The following ACO1 variants were observed in gnomAD, a reference collection of about 807,000 sequenced individuals.
The protein encoded by ACO1 is cytoplasmic aconitate hydratase.
A neutral mutation model predicts 105.1 loss-of-function variants in ACO1; 78 were observed. That is an observed-to-expected ratio of 0.74 (90% CI 0.62 to 0.90). ACO1 has a LOEUF of 0.90. Ranked by LOEUF, ACO1 falls within the 40% of genes least tolerant of loss-of-function variation. ACO1 has a pLI of 0.00. For missense variants in ACO1, 965 were observed against 1,111.1 expected, an observed-to-expected ratio of 0.87 and a Z score of 1.87; for synonymous variants, 364 against 397.4, an observed-to-expected ratio of 0.92 and a Z score of 1.00.
chr9:32,418,581 G>T (rs1821903484), intron 6 of ACO1, 70 bp downstream of exon 6: 15 of 1,489,590 alleles, frequency 1.0e-5, no homozygotes, highest in East Asian at 2.3e-5. Flanking sequence ...TTACATCTCA[G>T]TAACATGAAT....
Position 32,450,122 on chromosome 9 carries a change from C to G in ACO1, c.*11C>G. On this transcript the variant is annotated 3_prime_UTR_variant, in exon 21 of 21. Coordinates refer to ENST00000309951, the MANE Select transcript of ACO1 (RefSeq NM_002197.3). ...AAGATGGCCAAGTAGGAGACGTGCA[C>G]TTGGTGCTGCGCCCAGGGAGGAAGC... 1.2e-6 allele frequency: 2 copies of G among 1,604,128 alleles called. No individual in the cohort carries two copies. The highest frequency in any genetic ancestry group is 1.7e-6 in the Non-Finnish European group (2 of 1,171,950).
In ACO1 at chr9:32,384,723, C is replaced by G. The variant is rs752604336; in HGVS notation, c.-35C>G. The G allele has an allele frequency of 2.4e-6, 1 of 411,646 alleles. No individual in the cohort carries two copies. The highest frequency in any genetic ancestry group is 1.7e-5 in the South Asian group (1 of 59,982). 25.5% of individuals were successfully genotyped at this position (411,646 alleles called of 1,614,324 possible). A position where few individuals can be genotyped will look rare whatever the true frequency, so the allele number is the denominator to read the frequency against. The stretch of plus-strand genomic sequence containing the variant: ...GGTTCGCCGGTCGCGGGAGCCCCGC[C>G]GTGCAGTCGGAGGTGAGTACCGACG... On this transcript the variant is annotated 5_prime_UTR_variant, in exon 1 of 21. Coordinates refer to ENST00000309951, the MANE Select transcript of ACO1 (RefSeq NM_002197.3).
chr9:32,420,934 C>T lies in ACO1; in HGVS notation c.877C>T (p.Arg293Ter), dbSNP rs964554426. 7.4e-6 allele frequency: 12 copies of T among 1,613,936 alleles called. No individual in the cohort carries two copies. Among genetic ancestry groups the T allele is most frequent in the African/African-American group, 4.0e-5 (3 of 74,894 alleles). ...AGTAGCCCAGTTGTCCATTGCTGACCGAGCTACGATTGCTAACATGTGTCC... is the reference window on the plus strand; with the variant it reads ...AGTAGCCCAGTTGTCCATTGCTGACTGAGCTACGATTGCTAACATGTGTCC... ...PGVAQLSIAD[R>*]ATIANMCPEY... The change falls in exon 8 of 21, where the codon CGA (arginine) becomes TGA (stop). Residue 293 changes from arginine to a stop codon, truncating the protein, a stop_gained. Coordinates refer to ENST00000309951, the MANE Select transcript of ACO1 (RefSeq NM_002197.3). LOFTEE classifies it high-confidence loss of function.
chr9:32,394,507 G>T (rs534546758), intron 1 of ACO1, among the ~76,000 whole-genome samples: 1 of 150,768 alleles, frequency 6.6e-6, no homozygotes, highest in East Asian at 1.9e-4. Flanking sequence ...GGTCCCAGAA[G>T]TATCAAGGTC....
In ACO1 at chr9:32,450,147, C is replaced by A; in HGVS notation, c.*36C>A. 6.4e-7 allele frequency: 1 copy of A among 1,550,540 alleles called. No homozygotes were observed. Among genetic ancestry groups the A allele is most frequent in the Non-Finnish European group, 8.9e-7 (1 of 1,123,936 alleles). ...CTTGGTGCTGCGCCCAGGGAGGAAG[C>A]CGCACCACCAGCCAGCGCAGGCCCT... On this transcript the variant is annotated 3_prime_UTR_variant, in exon 21 of 21. Coordinates refer to ENST00000309951, the MANE Select transcript of ACO1 (RefSeq NM_002197.3).
intron 20 of ACO1, 132 bp downstream of exon 20, chr9:32,449,213 G>A: frequency 2.5e-6 from 2 of 799,340 alleles, no homozygotes; most frequent in Non-Finnish European, 3.8e-6. Flanking sequence ...TTAGACTTAG[G>A]AGGCCTACTA....
intron 12 of ACO1, among the ~76,000 whole-genome samples, chr9:32,428,121 A>G (rs533123947): frequency 0.011 from 1,606 of 151,914 alleles, 29 homozygotes; most frequent in African/African-American, 0.037. Flanking sequence ...ACAAAAAAAA[A>G]AAATGTAAAA....
At chr9:32,429,020 G>A (rs1822165695) in intron 12 of ACO1, among the ~76,000 whole-genome samples, 1 of 152,144 alleles carries the variant, frequency 6.6e-6, no homozygotes, top group Non-Finnish European at 1.5e-5. Flanking sequence ...ATTGTGCAGT[G>A]CATGAATGTA....
At chr9:32,395,237 A>G (rs1238311403) in intron 1 of ACO1, among the ~76,000 whole-genome samples, 2 of 152,150 alleles carry the variant, frequency 1.3e-5, no homozygotes, top group African/African-American at 2.4e-5. Context: ...GCAATTTGGG[A>G]GGCCGAGATG....
chr9:32,423,385 T>C lies in ACO1; in HGVS notation c.1037T>C (p.Phe346Ser), dbSNP rs747424270. ...YLQAVGMFRD[F>S]NDPSQDPDFT... ...CAGGCTGTAGGAATGTTTCGAGATT[T>C]CAATGACCCTTCTCAAGACCCAGAC... Residue 346 changes from phenylalanine (F) to serine (S), a missense_variant, in exon 9 of 21, where the codon TTC becomes TCC. Physicochemically the swap from Phe to Ser is radical, Grantham distance 155 (BLOSUM62 -2). Coordinates refer to ENST00000309951, the MANE Select transcript of ACO1 (RefSeq NM_002197.3). 1.2e-6 allele frequency: 2 copies of C among 1,601,090 alleles called. No individual in the cohort carries two copies. The highest frequency in any genetic ancestry group is 1.7e-5 in the Admixed American group (1 of 57,312).
Position 32,423,936 on chromosome 9 carries a change from T to G in ACO1, c.1071+517T>G, listed in dbSNP as rs562259977. ...AAGAAAAATAAAGAGACTTCACTAG[T>G]GGAACAAGAGCTGTTTAAAGGCTAA... On this transcript the variant is annotated intron_variant, in intron 9 of 20. Transcript: ENST00000309951. Among the ~76,000 whole-genome samples the G allele has an allele frequency of 3.1e-4, 47 of 152,296 alleles. 1 individual carries two copies. The South Asian group carries it at 9.3e-3, about 30-fold the overall frequency.
chr9:32,397,891 G>T (rs1821405337), intron 1 of ACO1, among the ~76,000 whole-genome samples: 2 of 152,134 alleles, frequency 1.3e-5, no homozygotes, highest in African/African-American at 2.4e-5. Context: ...CCCAAAAAAA[G>T]GATTGGGGGA....
At chr9:32,402,839 C>T (rs1047054926) in intron 1 of ACO1, among the ~76,000 whole-genome samples, 85 of 152,258 alleles carry the variant, frequency 5.6e-4, no homozygotes, top group Non-Finnish European at 8.2e-4. Flanking sequence ...CTCCAAATTC[C>T]GGAGTCCTCT....
intron 20 of ACO1, among the ~76,000 whole-genome samples, chr9:32,449,428 C>T (rs933551280): frequency 6.6e-6 from 1 of 152,140 alleles, no homozygotes; most frequent in Admixed American, 6.5e-5. Flanking sequence ...AACAGATATA[C>T]TCACCCCTCC....
chr9:32,441,243 T>C (rs1822474160), intron 19 of ACO1, among the ~76,000 whole-genome samples: 1 of 152,142 alleles, frequency 6.6e-6, no homozygotes, highest in South Asian at 2.1e-4. Flanking sequence ...GGTGTCCCCA[T>C]AGAAGGGGCC....
chr9:32,386,257 C>T (rs920081218), intron 1 of ACO1: 1 of 152,198 alleles, frequency 6.6e-6, no homozygotes, highest in Non-Finnish European at 1.5e-5. Flanking sequence ...AGGAGGCATG[C>T]TTTTGCCTTC....
chr9:32,411,310 C>T (rs912638868), intron 4 of ACO1, among the ~76,000 whole-genome samples: 7 of 152,158 alleles, frequency 4.6e-5, no homozygotes, highest in African/African-American at 1.4e-4. Flanking sequence ...AATAACTTTT[C>T]CATATACAGT....
At chr9:32,400,947 G>T (rs1587516897) in intron 1 of ACO1, among the ~76,000 whole-genome samples, 1 of 143,596 alleles carries the variant, frequency 7.0e-6, no homozygotes, top group East Asian at 2.0e-4. Flanking sequence ...TGGTCTTGAA[G>T]TTTTTTTTTT....
Position 32,431,763 on chromosome 9 carries a change from C to T in ACO1, c.1771C>T (p.Pro591Ser). Residue 591 changes from proline (P) to serine (S), a missense_variant, in exon 15 of 21, where the codon CCG (proline) becomes TCG (serine). By Grantham distance (74) the Pro-to-Ser change is moderately conservative. Transcript: ENST00000309951. ...GCAGGTATTTCTGAAAGATATCTGG[C>T]CGACTAGAGACGAGATCCAGGCAGT... ...GQQVFLKDIWPTRDEIQAVER... is the reference protein window; with the variant it reads ...GQQVFLKDIWSTRDEIQAVER... 2 of 1,613,988 alleles carry T rather than the reference C, an allele frequency of 1.2e-6. No individual in the cohort carries two copies. Among genetic ancestry groups the T allele is most frequent in the Non-Finnish European group, 1.7e-6 (2 of 1,179,972 alleles).
Sources: gnomAD v4.1 joint callset for allele counts (sites outside exome capture counted in the v4.1 genomes callset) on GRCh38, gnomAD v4.1.1 for gene constraint, MANE v1.5 for transcripts, NCBI Gene and HGNC (gene_info 2026-07-23, HGNC 2026-07-21) for gene names.